The following HOOK1 variants were observed in gnomAD, a reference collection of about 807,000 sequenced individuals.
HOOK1 encodes hook microtubule tethering protein 1.
In HOOK1, 60 loss-of-function variants were observed where a neutral mutation model predicts 112.8. The observed-to-expected ratio is 0.53, with a 90% CI of 0.43 to 0.66. HOOK1 has a LOEUF of 0.66. HOOK1 is among the 30% of genes least tolerant of loss of function. The pLI, the probability that HOOK1 is intolerant of heterozygous loss-of-function variation, is 0.00. For synonymous variants in HOOK1, 294 were observed against 283.8 expected (o/e 1.04, Z -0.36); for missense variants, 770 against 856.0 (o/e 0.90, Z 1.25).
chr1:59,872,237 G>T (rs571639071), intron 21 of HOOK1, among the ~76,000 whole-genome samples: 2 of 152,264 alleles, frequency 1.3e-5, no homozygotes, highest in East Asian at 3.9e-4. Context: ...AATTTATCAG[G>T]TATCAATATT....
In HOOK1 at chr1:59,872,780, G is replaced by GT. The variant is rs201568293; in HGVS notation, c.2017-4dup. On this transcript the variant is annotated splice_polypyrimidine_tract_variant and intron_variant, in intron 21 of 21. Transcript: ENST00000371208. ...TAGTCATGTTAAATAAAAAATATAT[G>GT]TTTTTTTTTTTCAGAGTCTAGCATT... 67,529 of 911,834 alleles carry GT rather than the reference G, an allele frequency of 0.074. 3 individuals are homozygous for GT. The highest frequency in any genetic ancestry group is 0.092 in the South Asian group (3,832 of 41,688). The allele number at this position is 911,834 out of a possible 1,614,324, so 56.5% of individuals were successfully genotyped here.
At chr1:59,866,113 G>A (rs543280354) in intron 19 of HOOK1, 141 bp downstream of exon 19, 3 of 595,002 alleles carry the variant, frequency 5.0e-6, no homozygotes, top group East Asian at 6.6e-5. Flanking sequence ...TCAGGTTTCC[G>A]TAGTATTTCC....
intron 7 of HOOK1, among the ~76,000 whole-genome samples, chr1:59,840,084 G>A (rs952107314): frequency 5.9e-5 from 9 of 152,012 alleles, no homozygotes; most frequent in African/African-American, 1.2e-4. Flanking sequence ...TGCTGGATTC[G>A]GTTTGCCAGT....
intron 20 of HOOK1, among the ~76,000 whole-genome samples, chr1:59,870,028 T>C (rs574095402): frequency 6.5e-4 from 99 of 152,304 alleles, no homozygotes; most frequent in African/African-American, 2.2e-3. Context: ...GTTGCAGCAT[T>C]ATTAGTAACT....
At chr1:59,815,320 C>A in intron 1 of HOOK1, 140 bp downstream of exon 1, 2 of 756,544 alleles carry the variant, frequency 2.6e-6, no homozygotes, top group Admixed American at 2.9e-5. Flanking sequence ...TGCCCTTGAC[C>A]GAGAGAATGC....
rs1259101791 is a variant in HOOK1, at chr1:59,848,532, A to C, written c.1131+16A>C. 6.4e-7 allele frequency: 1 copy of C among 1,551,854 alleles called. No individual in the cohort carries two copies. The highest frequency in any genetic ancestry group is 8.9e-7 in the Non-Finnish European group (1 of 1,128,992). ...CAAAAGGCAGGTAAGAAACATCTTAATTTTTAATTGATAAAATTGTAAGAG... is the reference window on the plus strand; with the variant it reads ...CAAAAGGCAGGTAAGAAACATCTTACTTTTTAATTGATAAAATTGTAAGAG... On this transcript the variant is annotated intron_variant, in intron 11 of 21. Coordinates refer to ENST00000371208, the MANE Select transcript of HOOK1 (RefSeq NM_015888.6).
At chr1:59,835,495 TA>T (rs1271073795) in intron 6 of HOOK1, 83 bp downstream of exon 6, 3 of 786,552 alleles carry the variant, frequency 3.8e-6, no homozygotes, top group African/African-American at 3.6e-5. Flanking sequence ...TTTTCTTTTT[TA>T]AAAACTTGCT....
rs1491568693 is a variant in HOOK1, at chr1:59,873,725, C to CCATATATA, written c.*760_*761insCATATATA. ...AGGTGACTTTCTGATGGAAAGCAAG[C>CCATATATA]TATATATATATATATATATATATAT... On this transcript the variant is annotated 3_prime_UTR_variant, in exon 22 of 22. Coordinates refer to ENST00000371208, the MANE Select transcript of HOOK1 (RefSeq NM_015888.6). 3.6e-5 allele frequency: 2 copies of CCATATATA among 56,216 alleles called. No individual in the cohort carries two copies. The highest frequency in any genetic ancestry group is 7.9e-4 in the East Asian group (1 of 1,272). The allele number at this position is 56,216 out of a possible 1,614,324, so 3.5% of individuals were successfully genotyped here.
At chr1:59,845,827 C>A (rs975981447) in intron 9 of HOOK1, among the ~76,000 whole-genome samples, 1 of 151,768 alleles carries the variant, frequency 6.6e-6, no homozygotes, top group East Asian at 1.9e-4. Context: ...TAAATTTTGT[C>A]TCTTGTAATG....
intron 16 of HOOK1, chr1:59,863,894 A>T: frequency 1.2e-6 from 1 of 857,334 alleles, no homozygotes; most frequent in Non-Finnish European, 1.4e-6. Context: ...TAATACAAAT[A>T]TTATTTTAAG....
intron 1 of HOOK1, among the ~76,000 whole-genome samples, chr1:59,818,537 G>A (rs1391562343): frequency 6.6e-6 from 1 of 152,210 alleles, no homozygotes; most frequent in Non-Finnish European, 1.5e-5. Context: ...ATGTATGAGA[G>A]TTTGAAGAAA....
chr1:59,856,238 A>G (rs1460427982), intron 12 of HOOK1, among the ~76,000 whole-genome samples: 1 of 149,050 alleles, frequency 6.7e-6, no homozygotes, highest in African/African-American at 2.5e-5. Flanking sequence ...AGCTACCACA[A>G]CCAGCCCCTA....
At chr1:59,842,843 A>T (rs1013908543) in intron 8 of HOOK1, among the ~76,000 whole-genome samples, 2 of 152,070 alleles carry the variant, frequency 1.3e-5, no homozygotes, top group Admixed American at 6.6e-5. Context: ...TGCTCCAGGT[A>T]CTGATAATGA....
intron 12 of HOOK1, among the ~76,000 whole-genome samples, chr1:59,856,964 A>C (rs918207229): frequency 2.0e-5 from 3 of 152,048 alleles, no homozygotes; most frequent in African/African-American, 7.2e-5. Context: ...AGAGCTTTTT[A>C]AAGATTCCTA....
At chr1:59,867,653 T>C (rs1056277106) in intron 19 of HOOK1, among the ~76,000 whole-genome samples, 1 of 152,212 alleles carries the variant, frequency 6.6e-6, no homozygotes, top group Non-Finnish European at 1.5e-5. Flanking sequence ...TGAATCTCTT[T>C]ACTACATTCT....
intron 6 of HOOK1, 71 bp from the exon 7 acceptor site, chr1:59,836,802 T>A (rs1305247029): frequency 2.2e-6 from 2 of 910,286 alleles, no homozygotes; most frequent in Non-Finnish European, 3.4e-6. Flanking sequence ...TTTACTATCC[T>A]TTCAAGAAAA....
intron 12 of HOOK1, among the ~76,000 whole-genome samples, chr1:59,852,570 G>C (rs2098407721): frequency 2.0e-5 from 3 of 147,046 alleles, no homozygotes; most frequent in African/African-American, 7.5e-5. Flanking sequence ...CTAAAGATTT[G>C]TCAATTTTGT....
intron 11 of HOOK1, 63 bp from the exon 12 acceptor site, chr1:59,849,010 C>T (rs1225142311): frequency 5.8e-6 from 5 of 857,476 alleles, no homozygotes; most frequent in Non-Finnish European, 8.9e-6. Context: ...TTCTGAAAGA[C>T]TATTGAGATT....
In HOOK1 at chr1:59,843,304, T is replaced by G; in HGVS notation, c.622-128T>G. On this transcript the variant is annotated intron_variant, in intron 8 of 21. Transcript: ENST00000371208. ...TTCAGAAGGATCCTTAGAACTCATCTAGTATGACAGACCAAGCTATTTAAT... is the reference window on the plus strand; with the variant it reads ...TTCAGAAGGATCCTTAGAACTCATCGAGTATGACAGACCAAGCTATTTAAT... 5.6e-6 allele frequency: 3 copies of G among 531,438 alleles called. No individual in the cohort carries two copies. In the South Asian group the frequency reaches 1.1e-4, roughly 19 times the overall value. 32.9% of individuals were successfully genotyped at this position (531,438 alleles called of 1,614,324 possible). A position where few individuals can be genotyped will look rare whatever the true frequency, so the allele number is the denominator to read the frequency against.
Sources: allele counts gnomAD v4.1 joint callset (sites outside exome capture counted in the v4.1 genomes callset), GRCh38; gene constraint gnomAD v4.1.1; transcripts MANE v1.5; gene names NCBI Gene and HGNC (gene_info 2026-07-23, HGNC 2026-07-21).